The following DPP6 variants were observed in gnomAD, a reference collection of about 807,000 sequenced individuals.
DPP6 encodes the protein dipeptidyl peptidase like 6.
A neutral mutation model predicts 122.6 loss-of-function variants in DPP6; 69 were observed. The ratio of observed to expected loss-of-function variants is 0.56; its 90% CI spans 0.46 to 0.69. The LOEUF is 0.69. Among genes scored for constraint, DPP6 ranks in the 30% least tolerant of loss-of-function variants. The pLI is 0.00. For missense variants in DPP6, 928 were observed against 1,116.9 expected (o/e 0.83, Z 2.41); for synonymous variants, 418 against 433.1 (o/e 0.97, Z 0.43).
chr7:153,929,714 C>G (rs928585782), intron 1 of DPP6, among the ~76,000 whole-genome samples: 8 of 152,130 alleles, frequency 5.3e-5, no homozygotes, highest in Non-Finnish European at 1.0e-4. Flanking sequence ...TGTCTGTTCT[C>G]TGTATTACTA....
intron 10 of DPP6, among the ~76,000 whole-genome samples, chr7:154,780,675 G>A (rs1474901211): frequency 5.3e-5 from 8 of 152,316 alleles, no homozygotes; most frequent in South Asian, 2.1e-4. Context: ...GTTTCTTCCC[G>A]TGGACCACAA....
the DPP6 span, among the ~76,000 whole-genome samples, chr7:153,796,433 A>C: frequency 6.8e-6 from 1 of 146,904 alleles, no homozygotes; most frequent in African/African-American, 2.5e-5. Context: ...TGGCTCTTTT[A>C]TGACCCATAT....
At chr7:154,786,714 T>G (rs943767516) in intron 10 of DPP6, among the ~76,000 whole-genome samples, 6 of 152,224 alleles carry the variant, frequency 3.9e-5, no homozygotes, top group African/African-American at 1.4e-4. Flanking sequence ...AGAATAGACT[T>G]CTGATAATTG....
chr7:153,932,138 T>C, intron 1 of DPP6, among the ~76,000 whole-genome samples: 1 of 151,568 alleles, frequency 6.6e-6, no homozygotes, highest in Non-Finnish European at 1.5e-5. Flanking sequence ...TTTTTTTTTT[T>C]TTAACAGAAT....
chr7:154,821,630 A>G lies in DPP6; in HGVS notation c.1666+14518A>G, dbSNP rs981411600. Among the ~76,000 whole-genome samples, 109 of 99,260 alleles carry G rather than the reference A, an allele frequency of 1.1e-3. No individual in the cohort carries two copies. Among genetic ancestry groups the G allele is most frequent in the African/African-American group, 5.4e-3 (101 of 18,774 alleles). The allele number at this position is 99,260 out of a possible 152,430, so 65.1% of individuals were successfully genotyped here. On this transcript the variant is annotated intron_variant, in intron 16 of 25. Transcript: ENST00000377770. This position sits in a 1 kb window ranked among gnomAD's most constrained non-coding sequence, Gnocchi z 4.2. Reference sequence around the variant, plus strand: ...ATATATATATATATTTTTTTTCTGTATATATATATATATATACACATATAT... The same window carrying G: ...ATATATATATATATTTTTTTTCTGTGTATATATATATATATACACATATAT...
At chr7:154,531,650 G>A (rs1295466432) in intron 3 of DPP6, among the ~76,000 whole-genome samples, 1 of 151,812 alleles carries the variant, frequency 6.6e-6, no homozygotes, top group Non-Finnish European at 1.5e-5. Flanking sequence ...TTTTCTTTTT[G>A]ACTTTTTAAT....
chr7:154,583,355 C>T (rs1443292204), intron 5 of DPP6, among the ~76,000 whole-genome samples: 16 of 152,160 alleles, frequency 1.1e-4, no homozygotes, highest in Admixed American at 3.9e-4. Flanking sequence ...CCTCCTGTGG[C>T]AGAATTTGAG....
chr7:154,724,381 C>T (rs757801473), intron 7 of DPP6, among the ~76,000 whole-genome samples: 5 of 152,196 alleles, frequency 3.3e-5, no homozygotes, highest in Admixed American at 6.5e-5. Flanking sequence ...CACCCCAGAC[C>T]TCAGGTCACT....
intron 1 of DPP6, among the ~76,000 whole-genome samples, chr7:154,337,710 G>T (rs562578168): frequency 6.6e-6 from 1 of 152,164 alleles, no homozygotes; most frequent in Non-Finnish European, 1.5e-5. Context: ...AAACCAGAAC[G>T]CAAGGGATAA....
At chr7:154,888,466 G>C (rs1563330981) in intron 23 of DPP6, among the ~76,000 whole-genome samples, 1 of 152,200 alleles carries the variant, frequency 6.6e-6, no homozygotes, top group African/African-American at 2.4e-5. Context: ...ATTTGGTGCA[G>C]CTGTCAGACA....
At chr7:154,594,046 G>A (rs1307314109) in intron 5 of DPP6, among the ~76,000 whole-genome samples, 2 of 152,160 alleles carry the variant, frequency 1.3e-5, no homozygotes, top group East Asian at 1.9e-4. Flanking sequence ...AGGCACCTGG[G>A]GAGTGGTTGT....
chr7:154,158,961 C>T (rs1476677692), intron 1 of DPP6, among the ~76,000 whole-genome samples: 1 of 151,698 alleles, frequency 6.6e-6, no homozygotes, highest in Non-Finnish European at 1.5e-5. Context: ...AACTCAGAGC[C>T]TCCTCCCATT....
At chr7:154,655,534 G>T (rs1299255483) in intron 6 of DPP6, among the ~76,000 whole-genome samples, 7 of 152,220 alleles carry the variant, frequency 4.6e-5, no homozygotes, top group African/African-American at 1.7e-4. Flanking sequence ...AAAAGTGAAG[G>T]AGGGCCACTA....
the DPP6 span, among the ~76,000 whole-genome samples, chr7:153,769,062 G>T: frequency 6.6e-6 from 1 of 152,094 alleles, no homozygotes; most frequent in African/African-American, 2.4e-5. Context: ...TGTCTTCCTA[G>T]AAATTATGGC....
chr7:154,855,700 G>A (rs1584904679), intron 17 of DPP6, among the ~76,000 whole-genome samples: 1 of 152,186 alleles, frequency 6.6e-6, no homozygotes, highest in African/African-American at 2.4e-5. Context: ...GCCTGGGGTC[G>A]GTGGAGTCTG....
At chr7:154,294,815 A>G (rs530753834) in intron 1 of DPP6, among the ~76,000 whole-genome samples, 2 of 152,188 alleles carry the variant, frequency 1.3e-5, no homozygotes, top group East Asian at 3.9e-4. Context: ...TGCATCACCC[A>G]CCCTGGTGTG....
chr7:154,608,674 T>A (rs1019184700), intron 5 of DPP6, among the ~76,000 whole-genome samples: 1 of 152,010 alleles, frequency 6.6e-6, no homozygotes, highest in African/African-American at 2.4e-5. Flanking sequence ...TTTCCAGTCA[T>A]CCCTGTACTC....
chr7:154,062,947 T>C lies in DPP6; in HGVS notation c.243+9884T>C, dbSNP rs528145265. Among the ~76,000 whole-genome samples, 2 of 132,604 alleles carry C rather than the reference T, an allele frequency of 1.5e-5. 1 individual carries two copies. 87.0% of individuals were successfully genotyped at this position (132,604 alleles called of 152,430 possible). A position where few individuals can be genotyped will look rare whatever the true frequency, so the allele number is the denominator to read the frequency against. ...TGGGTGTTAGTTGTCCAGGTAGAAA[T>C]TTCAAATCTTCCGACGGCAGGTACC... is the stretch of plus-strand genomic sequence containing the variant. On this transcript the variant is annotated intron_variant, in intron 1 of 25. Transcript: ENST00000377770.
intron 1 of DPP6, among the ~76,000 whole-genome samples, chr7:153,964,972 T>C (rs1795603296): frequency 2.3e-5 from 3 of 132,386 alleles, no homozygotes; most frequent in African/African-American, 7.8e-5. Flanking sequence ...TTCTTTCATT[T>C]CTTTTCCCTT....
Sources: allele counts gnomAD v4.1 joint callset (sites outside exome capture counted in the v4.1 genomes callset), GRCh38; gene constraint gnomAD v4.1.1; non-coding constraint Gnocchi (gnomAD v3.1); transcripts MANE v1.5; gene names NCBI Gene and HGNC (gene_info 2026-07-23, HGNC 2026-07-21).